CWC27: variants seen among roughly 807,000 people sequenced by gnomAD.
CWC27 encodes the protein CWC27 spliceosome associated cyclophilin.
Under a neutral mutation model 63.6 loss-of-function variants are expected in CWC27, and 47 were observed. The ratio of observed to expected loss-of-function variants is 0.74; its 90% CI spans 0.58 to 0.94. The LOEUF is 0.94. CWC27 is among the 40% of genes least tolerant of loss of function. CWC27 has a pLI of 0.00. For synonymous variants in CWC27, 175 were observed against 179.8 expected (o/e 0.97, Z 0.22); for missense variants, 495 against 554.3 (o/e 0.89, Z 1.07).
intron 11 of CWC27, among the ~76,000 whole-genome samples, chr5:64,970,958 A>AGTGTGT (rs57958257): frequency 0.023 from 3,290 of 143,462 alleles, 55 homozygotes; most frequent in East Asian, 0.05. Flanking sequence ...AGAGAGAGGG[A>AGTGTGT]GTGTGTGTGT....
intron 10 of CWC27, among the ~76,000 whole-genome samples, chr5:64,881,545 A>G (rs1746934759): frequency 6.6e-6 from 1 of 152,156 alleles, no homozygotes; most frequent in African/African-American, 2.4e-5. Flanking sequence ...CATAATAGCT[A>G]CTGTTTGTTG....
chr5:64,997,405 G>A (rs1453907708), intron 13 of CWC27, among the ~76,000 whole-genome samples: 3 of 152,068 alleles, frequency 2.0e-5, no homozygotes, highest in Non-Finnish European at 2.9e-5. Context: ...GGAACAATCC[G>A]TGCTCAATAA....
chr5:64,988,380 A>G (rs1332561496), intron 13 of CWC27, among the ~76,000 whole-genome samples: 1 of 152,050 alleles, frequency 6.6e-6, no homozygotes, highest in Non-Finnish European at 1.5e-5. Flanking sequence ...ATTGTATCCT[A>G]AACATTTTGA....
rs530911215 is a variant in CWC27 at position 64,837,514 on chromosome 5, T to A, written c.938+33128T>A. 9.2e-5 allele frequency among the ~76,000 whole-genome samples: 14 copies of A among 152,172 alleles called. No individual in the cohort carries two copies. The South Asian group carries it at 2.9e-3, about 32-fold the overall frequency. On this transcript the variant is annotated intron_variant, in intron 10 of 13. Coordinates refer to ENST00000381070, the MANE Select transcript of CWC27 (RefSeq NM_005869.4). ...GATTCAAAACTCATTCTCTTTTTTTTTTTGTGAAGAAACCAGAAAATATTT... is the reference window on the plus strand; with the variant it reads ...GATTCAAAACTCATTCTCTTTTTTTATTTGTGAAGAAACCAGAAAATATTT...
chr5:64,881,639 C>CT (rs1746937059), intron 10 of CWC27, among the ~76,000 whole-genome samples: 2 of 152,102 alleles, frequency 1.3e-5, no homozygotes, highest in Non-Finnish European at 2.9e-5. Context: ...AGTTAAGTAA[C>CT]TATTCTCAGG....
chr5:64,863,877 C>A (rs1295881591), intron 10 of CWC27, among the ~76,000 whole-genome samples: 1 of 152,138 alleles, frequency 6.6e-6, no homozygotes, highest in Non-Finnish European at 1.5e-5. Context: ...TCCCATCAAT[C>A]CTTTATGTAA....
At chr5:64,818,530 C>A (rs1267975717) in intron 10 of CWC27, among the ~76,000 whole-genome samples, 2 of 152,130 alleles carry the variant, frequency 1.3e-5, no homozygotes, top group Non-Finnish European at 2.9e-5. Context: ...AAGCCTTTGG[C>A]TTGGCTCCAA....
Position 64,955,988 on chromosome 5 carries a change from A to G in CWC27, c.1043-15715A>G, listed in dbSNP as rs1748795665. ...TAAACTACTAAGGAATGCTTTGTTCACTGATAAGAGGTGTGTGGGCATCAG... is the reference window on the plus strand; with the variant it reads ...TAAACTACTAAGGAATGCTTTGTTCGCTGATAAGAGGTGTGTGGGCATCAG... On this transcript the variant is annotated intron_variant, in intron 11 of 13. Transcript: ENST00000381070. 2.0e-5 allele frequency among the ~76,000 whole-genome samples: 3 copies of G among 152,210 alleles called. No individual in the cohort carries two copies. In the South Asian group the frequency reaches 6.2e-4, roughly 32 times the overall value.
At chr5:64,869,395 G>A (rs553210449) in intron 10 of CWC27, among the ~76,000 whole-genome samples, 13 of 152,040 alleles carry the variant, frequency 8.6e-5, no homozygotes, top group Non-Finnish European at 1.0e-4. Flanking sequence ...AGTTTCCAAA[G>A]TGCTTTTCCT....
intron 10 of CWC27, among the ~76,000 whole-genome samples, chr5:64,818,319 G>GA (rs1355041235): frequency 6.6e-6 from 1 of 151,986 alleles, no homozygotes; most frequent in African/African-American, 2.4e-5. Flanking sequence ...TGATTCTATT[G>GA]AAAAAAGAAT....
intron 10 of CWC27, among the ~76,000 whole-genome samples, chr5:64,859,219 A>G (rs1746337855): frequency 6.6e-6 from 1 of 152,210 alleles, no homozygotes; most frequent in Admixed American, 6.5e-5. Flanking sequence ...CAACTAATCT[A>G]TGATGATAGA....
chr5:64,789,724 G>T (rs530614417), intron 7 of CWC27, among the ~76,000 whole-genome samples: 3 of 151,958 alleles, frequency 2.0e-5, no homozygotes, highest in East Asian at 3.9e-4. Context: ...CAGTAATTCT[G>T]GTGTGTATAC....
At chr5:64,779,064 C>T (rs1743561605) in intron 2 of CWC27, among the ~76,000 whole-genome samples, 1 of 152,116 alleles carries the variant, frequency 6.6e-6, no homozygotes, top group Non-Finnish European at 1.5e-5. Context: ...GTAACTGTAT[C>T]AGTAAAATGC....
At chr5:64,905,628 G>A (rs1454918789) in intron 11 of CWC27, among the ~76,000 whole-genome samples, 1 of 152,070 alleles carries the variant, frequency 6.6e-6, no homozygotes, top group African/African-American at 2.4e-5. Flanking sequence ...TACAAATTAA[G>A]ATACATGATG....
At chr5:64,851,693 T>A (rs1746136831) in intron 10 of CWC27, among the ~76,000 whole-genome samples, 1 of 152,202 alleles carries the variant, frequency 6.6e-6, no homozygotes, top group Non-Finnish European at 1.5e-5. Context: ...AATTTACAAT[T>A]TTAAAAAATA....
intron 10 of CWC27, among the ~76,000 whole-genome samples, chr5:64,830,893 A>G (rs1267984159): frequency 6.6e-6 from 1 of 152,046 alleles, no homozygotes; most frequent in Non-Finnish European, 1.5e-5. Flanking sequence ...CCAGTCTATC[A>G]TTGATGGACA....
At chr5:64,867,867 C>T (rs531251791) in intron 10 of CWC27, among the ~76,000 whole-genome samples, 3 of 151,546 alleles carry the variant, frequency 2.0e-5, no homozygotes, top group South Asian at 4.2e-4. Context: ...GAAGGCTCCT[C>T]AAAGGAAGAA....
chr5:64,944,440 T>C (rs1000784663), intron 11 of CWC27, among the ~76,000 whole-genome samples: 1 of 152,310 alleles, frequency 6.6e-6, no homozygotes, highest in African/African-American at 2.4e-5. Context: ...ACTTGGCCTC[T>C]AGTTTTTTCT....
intron 11 of CWC27, among the ~76,000 whole-genome samples, chr5:64,887,166 G>T (rs1561447326): frequency 6.6e-6 from 1 of 151,964 alleles, no homozygotes; most frequent in Non-Finnish European, 1.5e-5. Flanking sequence ...TCTAGTAGGA[G>T]TGAAAGAAAT....
Sources: allele counts gnomAD v4.1 joint callset (sites outside exome capture counted in the v4.1 genomes callset), GRCh38; gene constraint gnomAD v4.1.1; transcripts MANE v1.5; gene names NCBI Gene and HGNC (gene_info 2026-07-23, HGNC 2026-07-21).